The following CSMD1 variants were observed in gnomAD, a reference collection of about 807,000 sequenced individuals.
CSMD1 encodes CUB and Sushi multiple domains 1.
In CSMD1, 213 loss-of-function variants were observed where a neutral mutation model predicts 417.5. That is an observed-to-expected ratio of 0.51 (90% confidence interval 0.46 to 0.57). CSMD1 has a LOEUF of 0.57. CSMD1 is among the 20% of genes least tolerant of loss of function. The pLI, the probability that CSMD1 is intolerant of heterozygous loss-of-function variation, is 0.00. For missense variants in CSMD1, 6,923 were observed against 4,529.7 expected, an observed-to-expected ratio of 1.53 and a Z score of -15.17; for synonymous variants, 2,862 against 1,736.8, an observed-to-expected ratio of 1.65 and a Z score of -16.11.
intron 2 of CSMD1, among the ~76,000 whole-genome samples, chr8:4,624,326 C>A (rs754130945): frequency 6.6e-6 from 1 of 152,048 alleles, no homozygotes; most frequent in Non-Finnish European, 1.5e-5. Flanking sequence ...ATTCTTCGAG[C>A]TCTTGTCAAA....
At chr8:3,101,387 A>C (rs7841854) in intron 46 of CSMD1, among the ~76,000 whole-genome samples, 110,181 of 152,184 alleles carry the variant, frequency 0.72, 40,863 homozygotes, top group East Asian at 0.96. Context: ...TTCTACATTA[A>C]GATGAGTGTC....
chr8:3,398,634 G>C (rs987399994), intron 16 of CSMD1, among the ~76,000 whole-genome samples: 2 of 152,092 alleles, frequency 1.3e-5, no homozygotes, highest in African/African-American at 4.8e-5. Flanking sequence ...GTTAGAGAAA[G>C]CCCAATGTTA....
At chr8:3,840,848 C>G (rs536426004) in intron 5 of CSMD1, among the ~76,000 whole-genome samples, 1 of 151,884 alleles carries the variant, frequency 6.6e-6, no homozygotes, top group East Asian at 1.9e-4. Context: ...CCACTACGTA[C>G]AGGCGCCTGT....
intron 6 of CSMD1, among the ~76,000 whole-genome samples, chr8:3,721,451 A>G (rs528233703): frequency 6.6e-6 from 1 of 152,294 alleles, no homozygotes; most frequent in South Asian, 2.1e-4. Flanking sequence ...GCTGGCACAT[A>G]TGGGACTGAG....
chr8:3,122,763 A>T (rs1248561518), intron 41 of CSMD1, among the ~76,000 whole-genome samples: 1 of 152,152 alleles, frequency 6.6e-6, no homozygotes, highest in Non-Finnish European at 1.5e-5. Context: ...GACCCCAGCC[A>T]TGTGGAACTG....
At chr8:4,216,585 C>T (rs1308977407) in intron 3 of CSMD1, among the ~76,000 whole-genome samples, 2 of 152,166 alleles carry the variant, frequency 1.3e-5, no homozygotes, top group Non-Finnish European at 2.9e-5. Context: ...ACGGAGCCCT[C>T]CAGATGGAAG....
At chr8:4,001,368 G>C (rs932102079) in intron 4 of CSMD1, among the ~76,000 whole-genome samples, 1 of 152,130 alleles carries the variant, frequency 6.6e-6, no homozygotes, top group African/African-American at 2.4e-5. Context: ...TAGCCCCCTG[G>C]TTTCTCCACT....
At chr8:3,172,813 T>A (rs11136586) in intron 37 of CSMD1, among the ~76,000 whole-genome samples, 1 of 152,034 alleles carries the variant, frequency 6.6e-6, no homozygotes, top group African/African-American at 2.4e-5. Context: ...TCAGTTTCCA[T>A]TGAAACCCTT....
chr8:4,125,215 G>C (rs532249402), intron 3 of CSMD1, among the ~76,000 whole-genome samples: 62 of 152,292 alleles, frequency 4.1e-4, no homozygotes, highest in Non-Finnish European at 5.4e-4. Context: ...GAAAGGTCGA[G>C]CTGGGAACTG....
intron 3 of CSMD1, among the ~76,000 whole-genome samples, chr8:4,219,232 C>T (rs926529429): frequency 6.6e-6 from 1 of 152,214 alleles, no homozygotes; most frequent in African/African-American, 2.4e-5. Flanking sequence ...TCTTTTACCA[C>T]TCCATCTGCT....
At chr8:3,424,595 C>T (rs1415223712) in intron 12 of CSMD1, among the ~76,000 whole-genome samples, 1 of 152,134 alleles carries the variant, frequency 6.6e-6, no homozygotes, top group East Asian at 1.9e-4. Flanking sequence ...AAAAATGTAA[C>T]CCTAGTATCA....
intron 2 of CSMD1, among the ~76,000 whole-genome samples, chr8:4,421,067 T>C (rs960691351): frequency 2.6e-5 from 4 of 152,294 alleles, no homozygotes; most frequent in African/African-American, 9.6e-5. Context: ...GTTCATTTTT[T>C]CCCATTGGAT....
At chr8:4,425,479 G>C (rs1221523138) in intron 2 of CSMD1, among the ~76,000 whole-genome samples, 3 of 151,592 alleles carry the variant, frequency 2.0e-5, no homozygotes, top group Admixed American at 6.6e-5. Flanking sequence ...AGCTAAATTT[G>C]TGATTAAATG....
chr8:3,937,685 A>G (rs368464896), intron 5 of CSMD1, among the ~76,000 whole-genome samples: 12 of 152,300 alleles, frequency 7.9e-5, no homozygotes, highest in South Asian at 2.1e-4. Flanking sequence ...CTGCATATCA[A>G]TAACTACAGA....
intron 1 of CSMD1, among the ~76,000 whole-genome samples, chr8:4,979,904 G>T (rs2117423651): frequency 6.6e-6 from 1 of 151,774 alleles, no homozygotes; most frequent in East Asian, 1.9e-4. Flanking sequence ...CAGGCGTGAA[G>T]GTGGGCGCCA....
At chr8:3,634,996 A>G (rs1195533823) in intron 7 of CSMD1, among the ~76,000 whole-genome samples, 1 of 152,158 alleles carries the variant, frequency 6.6e-6, no homozygotes, top group Non-Finnish European at 1.5e-5. Flanking sequence ...AAATTTGTGT[A>G]TCTAAACCTA....
intron 1 of CSMD1, among the ~76,000 whole-genome samples, chr8:4,872,761 A>C (rs1027016389): frequency 1.3e-5 from 2 of 152,126 alleles, no homozygotes; most frequent in Non-Finnish European, 2.9e-5. Context: ...GATATCTTGC[A>C]CATTTATAAT....
At chr8:3,384,223 GAGAT>G (rs1184715071) in intron 18 of CSMD1, among the ~76,000 whole-genome samples, 1 of 152,042 alleles carries the variant, frequency 6.6e-6, no homozygotes, top group Non-Finnish European at 1.5e-5. Flanking sequence ...GGTTGTCTGA[GAGAT>G]AGTCTAAATT....
chr8:3,236,123 T>C (rs1254786752), intron 26 of CSMD1, among the ~76,000 whole-genome samples: 2 of 151,936 alleles, frequency 1.3e-5, no homozygotes, highest in East Asian at 1.9e-4. Flanking sequence ...TTTCACCATG[T>C]TAGCCAGGAG....
Sources: gnomAD v4.1 joint callset for allele counts (sites outside exome capture counted in the v4.1 genomes callset) on GRCh38, gnomAD v4.1.1 for gene constraint, MANE v1.5 for transcripts, NCBI Gene and HGNC (gene_info 2026-07-23, HGNC 2026-07-21) for gene names.